ABCC1: variants seen among roughly 807,000 people sequenced by gnomAD.
ABCC1 encodes the protein ATP binding cassette subfamily C member 1 (ABCC1 blood group).
A neutral mutation model predicts 172.9 loss-of-function variants in ABCC1; 83 were observed. The observed-to-expected ratio is 0.48, with a 90% CI of 0.40 to 0.58. The LOEUF (loss-of-function observed/expected upper bound fraction) is 0.58. Ranked by LOEUF, ABCC1 falls within the 20% of genes least tolerant of loss-of-function variation. ABCC1 has a pLI of 0.00. For synonymous variants in ABCC1, 937 were observed against 825.2 expected (o/e 1.14, Z -2.32); for missense variants, 1,817 against 2,002.7 (o/e 0.91, Z 1.77).
At position 16,086,814 on chromosome 16, in the gene ABCC1, C is replaced by A; in HGVS notation, c.2293-10C>A. The A allele has an allele frequency of 6.2e-7, 1 of 1,612,790 alleles. No individual in the cohort carries two copies. The highest frequency in any genetic ancestry group is 8.5e-7 in the Non-Finnish European group (1 of 1,179,554). On this transcript the variant is annotated splice_polypyrimidine_tract_variant and intron_variant, in intron 17 of 30. Transcript: ENST00000399410. ...CCAGGAAACCCACTCCTGTGTGTGT[C>A]TCTCCCCAGGGCGTGAACCTGTCTG...
chr16:16,005,625 C>T lies in ABCC1; in HGVS notation c.49-2191C>T, dbSNP rs539716703. ...CCTCCCAAAGTGCTGGGATGACAGGCGTGAGCCACTGCGCCCAGAAGATTT... is the reference window on the plus strand; with the variant it reads ...CCTCCCAAAGTGCTGGGATGACAGGTGTGAGCCACTGCGCCCAGAAGATTT... On this transcript the variant is annotated intron_variant, in intron 1 of 30. Transcript: ENST00000399410. 2.6e-5 allele frequency among the ~76,000 whole-genome samples: 4 copies of T among 152,208 alleles called. No individual in the cohort carries two copies. The South Asian group carries it at 6.2e-4, about 24-fold the overall frequency.
intron 1 of ABCC1, among the ~76,000 whole-genome samples, chr16:15,950,972 C>G (rs1009279112): frequency 2.0e-5 from 3 of 151,922 alleles, no homozygotes; most frequent in Non-Finnish European, 4.4e-5. Context: ...AATAACCTAC[C>G]ACACTTTGAT....
At chr16:15,968,934 G>A (rs1374417882) in intron 1 of ABCC1, among the ~76,000 whole-genome samples, 2 of 151,464 alleles carry the variant, frequency 1.3e-5, no homozygotes, top group Admixed American at 1.3e-4. Context: ...TCAGCCAGGT[G>A]TGGTGGCTCA....
At chr16:15,970,780 A>G (rs2046351401) in intron 1 of ABCC1, among the ~76,000 whole-genome samples, 1 of 152,204 alleles carries the variant, frequency 6.6e-6, no homozygotes. Context: ...TAATTTGTAC[A>G]GATGAGGTCT....
chr16:15,989,435 G>A (rs537752645), intron 1 of ABCC1, among the ~76,000 whole-genome samples: 27 of 152,160 alleles, frequency 1.8e-4, no homozygotes, highest in Non-Finnish European at 2.6e-4. Flanking sequence ...TCAGGAGTGC[G>A]GTGGGGAAAT....
At chr16:16,121,898 T>G (rs948660730) in intron 23 of ABCC1, 77 bp from the exon 24 acceptor site, 25 of 1,515,230 alleles carry the variant, frequency 1.6e-5, no homozygotes, top group Non-Finnish European at 2.2e-5. Context: ...GTCTAGATGT[T>G]CTCCAGCACA....
intron 13 of ABCC1, among the ~76,000 whole-genome samples, chr16:16,069,821 C>G (rs972568571): frequency 6.6e-6 from 1 of 152,130 alleles, no homozygotes; most frequent in Admixed American, 6.5e-5. Context: ...GTCAGGAGTT[C>G]GAGACCAGCC....
intron 12 of ABCC1, among the ~76,000 whole-genome samples, chr16:16,063,659 C>G (rs2050003102): frequency 6.6e-6 from 1 of 152,006 alleles, no homozygotes. Context: ...GAATGGGGTT[C>G]CAGGCATGGC....
intron 28 of ABCC1, among the ~76,000 whole-genome samples, chr16:16,135,153 T>G (rs546085101): frequency 6.6e-6 from 1 of 152,318 alleles, no homozygotes; most frequent in East Asian, 1.9e-4. Context: ...TTCCAAGAGC[T>G]AGACAAGAAA....
chr16:16,079,544 G>C, intron 16 of ABCC1, 66 bp downstream of exon 16: 1 of 1,554,894 alleles, frequency 6.4e-7, no homozygotes, highest in Non-Finnish European at 8.7e-7. Flanking sequence ...GCTCAGAAAT[G>C]ATGGTGTTTC....
intron 5 of ABCC1, among the ~76,000 whole-genome samples, chr16:16,029,706 A>G (rs1392837129): frequency 1.3e-5 from 2 of 152,230 alleles, no homozygotes; most frequent in Non-Finnish European, 2.9e-5. Context: ...CATCTGAAAG[A>G]TAAGAATTTT....
At chr16:16,070,416 G>C (rs1414907648) in intron 13 of ABCC1, among the ~76,000 whole-genome samples, 2 of 151,874 alleles carry the variant, frequency 1.3e-5, no homozygotes, top group African/African-American at 4.8e-5. Flanking sequence ...TGTAATCCCA[G>C]CACTCTGGGA....
At chr16:16,068,337 G>T in intron 13 of ABCC1, 35 bp downstream of exon 13, 1 of 1,610,848 alleles carries the variant, frequency 6.2e-7, no homozygotes. Context: ...TCCGAGAGGG[G>T]GCCTTGGGGT....
chr16:15,980,693 G>A (rs2046602263), intron 1 of ABCC1, among the ~76,000 whole-genome samples: 1 of 152,114 alleles, frequency 6.6e-6, no homozygotes, highest in Admixed American at 6.5e-5. Flanking sequence ...TGGGGATACA[G>A]CTGAACCATA....
At position 16,076,322 on chromosome 16, in the gene ABCC1, G is replaced by C. The variant is rs1447478791; in HGVS notation, c.1913-4G>C. ...TGTCCCTGACATGTCTCTGTGCTTT[G>C]TAGGCGGGGGCACGAACAGCATCAC... On this transcript the variant is annotated splice_region_variant and splice_polypyrimidine_tract_variant and intron_variant, in intron 14 of 30. Coordinates refer to ENST00000399410, the MANE Select transcript of ABCC1 (RefSeq NM_004996.4). 2 of 1,612,628 alleles carry C rather than the reference G, an allele frequency of 1.2e-6. No individual in the cohort carries two copies. Among genetic ancestry groups the C allele is most frequent in the Non-Finnish European group, 8.5e-7 (1 of 1,179,344 alleles).
chr16:16,110,350 C>A (rs555944891), intron 21 of ABCC1, among the ~76,000 whole-genome samples: 63 of 152,174 alleles, frequency 4.1e-4, no homozygotes, highest in Non-Finnish European at 7.1e-4. Context: ...CCTCAAAGTG[C>A]TGGGATTACA....
intron 1 of ABCC1, among the ~76,000 whole-genome samples, chr16:15,980,595 A>G (rs1472803571): frequency 6.6e-6 from 1 of 152,156 alleles, no homozygotes; most frequent in Non-Finnish European, 1.5e-5. Flanking sequence ...CATGGAGGTA[A>G]CTGCCCCCAT....
Position 16,045,909 on chromosome 16 carries a change from G to A in ABCC1, c.1114G>A (p.Val372Ile). Reference sequence around the variant, plus strand: ...CTACTTCTACACCGTGCTGCTGTTTGTCACTGCCTGCCTGCAGACCCTCGT... The same window carrying A: ...CTACTTCTACACCGTGCTGCTGTTTATCACTGCCTGCCTGCAGACCCTCGT... The part of the protein sequence containing the change: ...QGYFYTVLLF[V>I]TACLQTLVLH... The change falls in exon 9 of 31, where the codon GTC becomes ATC. Residue 372 changes from valine to isoleucine, a missense_variant. Around this residue, in one of 3 missense-constraint regions of ABCC1, gnomAD observed 1,412 missense variants for 1,600.3 expected, o/e 0.88. Coordinates refer to ENST00000399410, the MANE Select transcript of ABCC1 (RefSeq NM_004996.4). 4 of 1,614,174 alleles carry A rather than the reference G, an allele frequency of 2.5e-6. No individual in the cohort carries two copies. The highest frequency in any genetic ancestry group is 3.4e-6 in the Non-Finnish European group (4 of 1,180,036).
In ABCC1 at chr16:16,056,466, A is replaced by C. The variant is rs911367733; in HGVS notation, c.1677+171A>C. On this transcript the variant is annotated intron_variant, in intron 12 of 30. Coordinates refer to ENST00000399410, the MANE Select transcript of ABCC1 (RefSeq NM_004996.4). ...TGGATCACCTGAGGTCAGGAGTTCAAGACCAGCCTGGCCAACATGGTGAAA... is the reference window on the plus strand; with the variant it reads ...TGGATCACCTGAGGTCAGGAGTTCACGACCAGCCTGGCCAACATGGTGAAA... The C allele has an allele frequency of 7.3e-6, 5 of 688,592 alleles. No individual in the cohort carries two copies. The African/African-American group carries it at 9.0e-5, about 12-fold the overall frequency. The allele number at this position is 688,592 out of a possible 1,614,324, so 42.7% of individuals were successfully genotyped here. A position where few individuals can be genotyped will look rare whatever the true frequency, so the allele number is the denominator to read the frequency against.
Sources: allele counts gnomAD v4.1 joint callset (sites outside exome capture counted in the v4.1 genomes callset), GRCh38; gene constraint gnomAD v4.1.1; regional missense constraint gnomAD v4.1.1; transcripts MANE v1.5; gene names NCBI Gene and HGNC (gene_info 2026-07-23, HGNC 2026-07-21).